Variants in SEC24A observed in about 807,000 individuals in gnomAD.
SEC24A encodes the protein SEC24 homolog A, COPII component.
A neutral mutation model predicts 129.4 loss-of-function variants in SEC24A; 93 were observed. The observed-to-expected ratio is 0.72, with a 90% CI of 0.61 to 0.85. The LOEUF is 0.85. Ranked by LOEUF, SEC24A falls within the 40% of genes least tolerant of loss-of-function variation. The pLI is 0.00. For missense variants in SEC24A, 1,264 were observed against 1,307.4 expected (o/e 0.97, Z 0.51); for synonymous variants, 460 against 467.3 (o/e 0.98, Z 0.20).
chr5:134,692,779 T>C (rs1751700977), intron 12 of SEC24A, 122 bp downstream of exon 12: 3 of 748,080 alleles, frequency 4.0e-6, no homozygotes, highest in Non-Finnish European at 7.0e-6. Flanking sequence ...TAGCATTTTA[T>C]ATTTGCTCTT....
rs777373849 is a variant in SEC24A, at chr5:134,718,054, T to C, written c.2866-15T>C. The C allele has an allele frequency of 6.3e-7, 1 of 1,596,558 alleles. No individual in the cohort carries two copies. Among genetic ancestry groups the C allele is most frequent in the Non-Finnish European group, 8.6e-7 (1 of 1,164,124 alleles). ...CCTATATTTAAAACCTTTACTCTTTTACTTAATTCCTCAGGGAGCACTCAA... is the reference window on the plus strand; with the variant it reads ...CCTATATTTAAAACCTTTACTCTTTCACTTAATTCCTCAGGGAGCACTCAA... On this transcript the variant is annotated splice_polypyrimidine_tract_variant and intron_variant, in intron 19 of 22. Transcript: ENST00000398844.
intron 12 of SEC24A, chr5:134,693,119 T>C: frequency 6.5e-7 from 1 of 1,535,790 alleles, no homozygotes; most frequent in Non-Finnish European, 8.7e-7. Flanking sequence ...ACAGAATGTG[T>C]CTGAAGGGGG....
chr5:134,697,342 A>G, intron 14 of SEC24A, 96 bp downstream of exon 14: 1 of 1,007,650 alleles, frequency 9.9e-7, no homozygotes, highest in Non-Finnish European at 1.5e-6. Context: ...GTTAAAGAAT[A>G]TGTATGCCCT....
intron 18 of SEC24A, among the ~76,000 whole-genome samples, chr5:134,711,015 A>C (rs1190608658): frequency 6.6e-6 from 1 of 152,144 alleles, no homozygotes; most frequent in Non-Finnish European, 1.5e-5. Flanking sequence ...ACATACCTGT[A>C]GTCACAGCTA....
chr5:134,672,482 C>T (rs1480237909), intron 4 of SEC24A, among the ~76,000 whole-genome samples: 1 of 151,974 alleles, frequency 6.6e-6, no homozygotes. Flanking sequence ...GCCACCATGC[C>T]CAGGCCCTGG....
At position 134,661,212 on chromosome 5, in the gene SEC24A, C is replaced by A; in HGVS notation, c.191C>A (p.Ala64Glu). 1 of 1,614,154 alleles carries A rather than the reference C, an allele frequency of 6.2e-7. No homozygotes were observed. Among genetic ancestry groups the A allele is most frequent in the Non-Finnish European group, 8.5e-7 (1 of 1,180,010 alleles). The change falls in exon 2 of 23, where the codon GCA becomes GAA. Residue 64 changes from alanine to glutamate, a missense_variant. Transcript: ENST00000398844. ...GGATCCTACCCTCATCCAATACCAGCAAAGACTTTGAATCCAGTCTCTGGA... is the reference window on the plus strand; with the variant it reads ...GGATCCTACCCTCATCCAATACCAGAAAAGACTTTGAATCCAGTCTCTGGA... ...LPGSYPHPIP[A>E]KTLNPVSGQS...
chr5:134,692,935 G>A (rs1751706185), intron 12 of SEC24A: 2 of 979,892 alleles, frequency 2.0e-6, no homozygotes, highest in Admixed American at 2.0e-5. Context: ...AGCCATTTGG[G>A]AAGTTGGGAG....
chr5:134,674,936 A>G, intron 5 of SEC24A, 109 bp from the exon 6 acceptor site: 2 of 1,178,278 alleles, frequency 1.7e-6, no homozygotes, highest in Non-Finnish European at 2.3e-6. Context: ...TTCCAGAACC[A>G]AAAGATTGGC....
At chr5:134,699,301 C>CTTTTTTTTTTTTTTTTTTTTTTTTTTT (rs1208203003) in intron 15 of SEC24A, among the ~76,000 whole-genome samples, 1 of 138,422 alleles carries the variant, frequency 7.2e-6, no homozygotes, top group African/African-American at 2.8e-5. Flanking sequence ...CCATTTTATC[C>CTTTTTTTTTTTTTTTTTTTTTTTTTTT]TTTTTTTTTT....
At chr5:134,660,822 G>A (rs761230860) in intron 1 of SEC24A, among the ~76,000 whole-genome samples, 1 of 152,100 alleles carries the variant, frequency 6.6e-6, no homozygotes, top group African/African-American at 2.4e-5. Context: ...CTCCCAAAGT[G>A]CTGGGATTAC....
At chr5:134,674,917 T>C in intron 5 of SEC24A, 128 bp from the exon 6 acceptor site, 1 of 1,138,388 alleles carries the variant, frequency 8.8e-7, no homozygotes, top group Admixed American at 2.9e-5. Flanking sequence ...CCTTTGTCTT[T>C]ATACATTTTT....
chr5:134,719,411 G>A (rs894908361), intron 20 of SEC24A, among the ~76,000 whole-genome samples: 58 of 149,700 alleles, frequency 3.9e-4, no homozygotes, highest in African/African-American at 1.3e-3. Context: ...GAAGAAGTTG[G>A]CTGGGCCCAG....
rs186283655 is a variant in SEC24A, at chr5:134,701,008, G to A, written c.2267-2751G>A. 3.0e-3 allele frequency among the ~76,000 whole-genome samples: 448 copies of A among 148,468 alleles called. 1 individual carries two copies. The highest frequency in any genetic ancestry group is 7.2e-3 in the Middle Eastern group (2 of 276). On this transcript the variant is annotated intron_variant, in intron 15 of 22. Coordinates refer to ENST00000398844, the MANE Select transcript of SEC24A (RefSeq NM_021982.3). ...GCTGGGATTACAGGCGTGAGCCACCGCGCCTGGACTGTATTTTTAGTAGAG... is the reference window on the plus strand; with the variant it reads ...GCTGGGATTACAGGCGTGAGCCACCACGCCTGGACTGTATTTTTAGTAGAG...
At chr5:134,678,503 C>T (rs1435462547) in intron 7 of SEC24A, among the ~76,000 whole-genome samples, 1 of 151,122 alleles carries the variant, frequency 6.6e-6, no homozygotes, top group Non-Finnish European at 1.5e-5. Context: ...CTGTGTTGCT[C>T]AGGTTGGTCT....
intron 1 of SEC24A, among the ~76,000 whole-genome samples, chr5:134,657,063 G>A (rs1390411768): frequency 3.3e-5 from 5 of 151,808 alleles, no homozygotes; most frequent in Admixed American, 3.3e-4. Flanking sequence ...GTGCACGCCT[G>A]TAGGCCCAGC....
chr5:134,696,020 A>G (rs903690787), intron 13 of SEC24A, among the ~76,000 whole-genome samples: 1 of 151,264 alleles, frequency 6.6e-6, no homozygotes, highest in East Asian at 1.9e-4. Flanking sequence ...TAATCCCAGC[A>G]CTTTGGGAGG....
intron 1 of SEC24A, 118 bp from the exon 2 acceptor site, chr5:134,661,001 A>G: frequency 3.9e-6 from 3 of 774,346 alleles, no homozygotes; most frequent in East Asian, 5.0e-5. Flanking sequence ...TCCTTTGCTT[A>G]TTTTTTAATT....
rs1751189459 is a variant in SEC24A at position 134,679,585 on chromosome 5, TG to T, written c.1255-16del. ...ATTTTTGCCTTTAAAAATTTAATTCTGTTTTTTTTTTTCCAGCAATTGCCTG... is the reference window on the plus strand; with the variant it reads ...ATTTTTGCCTTTAAAAATTTAATTCTTTTTTTTTTTTCCAGCAATTGCCTG... On this transcript the variant is annotated splice_polypyrimidine_tract_variant and intron_variant, in intron 7 of 22. Coordinates refer to ENST00000398844, the MANE Select transcript of SEC24A (RefSeq NM_021982.3). 3.3e-6 allele frequency: 5 copies of T among 1,527,742 alleles called. No individual in the cohort carries two copies. Among genetic ancestry groups the T allele is most frequent in the South Asian group, 1.2e-5 (1 of 81,234 alleles). The allele number at this position is 1,527,742 out of a possible 1,614,324, so 94.6% of individuals were successfully genotyped here.
Position 134,701,513 on chromosome 5 carries a change from CTT to C in SEC24A, c.2267-2232_2267-2231del, listed in dbSNP as rs10714056. 2.5e-3 allele frequency among the ~76,000 whole-genome samples: 339 copies of C among 136,892 alleles called. 1 individual carries two copies. Among genetic ancestry groups the C allele is most frequent in the Middle Eastern group, 0.015 (4 of 274 alleles). 89.8% of individuals were successfully genotyped at this position (136,892 alleles called of 152,430 possible). On this transcript the variant is annotated intron_variant, in intron 15 of 22. Coordinates refer to ENST00000398844, the MANE Select transcript of SEC24A (RefSeq NM_021982.3). The stretch of plus-strand genomic sequence containing the variant: ...ATATGCCAGGCAACTCCTTTGCCCT[CTT>C]TTTTTTTTTTTTTGAGACGGAGTCT...
Sources: allele counts gnomAD v4.1 joint callset (sites outside exome capture counted in the v4.1 genomes callset), GRCh38; gene constraint gnomAD v4.1.1; transcripts MANE v1.5; gene names NCBI Gene and HGNC (gene_info 2026-07-23, HGNC 2026-07-21).